The following SLC9A2 variants were observed in gnomAD, a reference collection of about 807,000 sequenced individuals.
SLC9A2 encodes solute carrier family 9 member A2, also known as sodium/hydrogen exchanger 2.
Under a neutral mutation model 71.7 loss-of-function variants are expected in SLC9A2, and 42 were observed. The ratio of observed to expected loss-of-function variants is 0.59; its 90% CI spans 0.46 to 0.76. The LOEUF (loss-of-function observed/expected upper bound fraction) is 0.76. Ranked by LOEUF, SLC9A2 falls within the 30% of genes least tolerant of loss-of-function variation. SLC9A2 has a pLI of 0.00. For missense variants in SLC9A2, 829 were observed against 1,017.4 expected, an observed-to-expected ratio of 0.81 and a Z score of 2.52; for synonymous variants, 396 against 392.5, an observed-to-expected ratio of 1.01 and a Z score of -0.10.
chr2:102,699,566 A>G (rs1677834808), intron 7 of SLC9A2, among the ~76,000 whole-genome samples: 3 of 152,352 alleles, frequency 2.0e-5, no homozygotes, highest in Non-Finnish European at 4.4e-5. Context: ...GACCTGGGTG[A>G]TAGCATTAGA....
chr2:102,638,523 T>G (rs1676513487), intron 1 of SLC9A2, among the ~76,000 whole-genome samples: 1 of 152,210 alleles, frequency 6.6e-6, no homozygotes, highest in Non-Finnish European at 1.5e-5. Flanking sequence ...GGAGGCACTG[T>G]GTTAAGTCAC....
At chr2:102,671,830 G>T (rs1214397019) in intron 3 of SLC9A2, among the ~76,000 whole-genome samples, 1 of 152,240 alleles carries the variant, frequency 6.6e-6, no homozygotes, top group Non-Finnish European at 1.5e-5. Flanking sequence ...CAGAGGCTGA[G>T]TGTGGTGGCT....
At chr2:102,649,088 A>G (rs1676783778) in intron 1 of SLC9A2, among the ~76,000 whole-genome samples, 1 of 152,252 alleles carries the variant, frequency 6.6e-6, no homozygotes, top group Non-Finnish European at 1.5e-5. Flanking sequence ...ACAAGGCTAC[A>G]GTGACCAAAA....
chr2:102,674,443 G>A (rs922330106), intron 3 of SLC9A2, among the ~76,000 whole-genome samples: 6 of 152,188 alleles, frequency 3.9e-5, no homozygotes, highest in Admixed American at 2.0e-4. Context: ...TCCTCTTGAT[G>A]CTGTAGCATT....
intron 1 of SLC9A2, among the ~76,000 whole-genome samples, chr2:102,630,436 C>A (rs983475249): frequency 5.9e-5 from 9 of 151,934 alleles, no homozygotes; most frequent in African/African-American, 1.2e-4. Context: ...TGTTGTTACA[C>A]TGACTTTTGA....
intron 1 of SLC9A2, among the ~76,000 whole-genome samples, chr2:102,638,873 CT>C (rs1205345174): frequency 2.0e-5 from 3 of 152,140 alleles, no homozygotes; most frequent in Non-Finnish European, 2.9e-5. Flanking sequence ...ATTCTGTGCT[CT>C]TTTTTCACTG....
At chr2:102,693,583 G>T (rs975559158) in intron 5 of SLC9A2, among the ~76,000 whole-genome samples, 5 of 152,152 alleles carry the variant, frequency 3.3e-5, no homozygotes, top group African/African-American at 1.2e-4. Flanking sequence ...CAGACTGGCC[G>T]CAAGCCCCCT....
intron 2 of SLC9A2, among the ~76,000 whole-genome samples, chr2:102,659,813 C>T (rs985839078): frequency 3.9e-5 from 6 of 152,170 alleles, no homozygotes; most frequent in African/African-American, 1.4e-4. Context: ...TCCATTCTGA[C>T]TTATGCTCGA....
At chr2:102,669,153 GCTTTTTACT>G (rs1290366656) in intron 3 of SLC9A2, among the ~76,000 whole-genome samples, 1 of 152,116 alleles carries the variant, frequency 6.6e-6, no homozygotes, top group Non-Finnish European at 1.5e-5. Flanking sequence ...GGTTTTATAG[GCTTTTTACT>G]GACAAGTAAA....
At chr2:102,698,959 C>T (rs7607987) in intron 7 of SLC9A2, among the ~76,000 whole-genome samples, 117,403 of 152,058 alleles carry the variant, frequency 0.77, 45,352 homozygotes, top group Admixed American at 0.79. Flanking sequence ...CACGTGCTTA[C>T]AGTGTGCCAG....
chr2:102,629,453 G>A (rs1676315734), intron 1 of SLC9A2, among the ~76,000 whole-genome samples: 1 of 151,860 alleles, frequency 6.6e-6, no homozygotes, highest in South Asian at 2.1e-4. Context: ...AATGAGTTAT[G>A]TTATTTTCAT....
At chr2:102,680,240 T>G (rs1473954921) in intron 3 of SLC9A2, among the ~76,000 whole-genome samples, 1 of 152,186 alleles carries the variant, frequency 6.6e-6, no homozygotes, top group Non-Finnish European at 1.5e-5. Flanking sequence ...ATACATGTCT[T>G]TTTTTATATA....
chr2:102,689,528 C>T lies in SLC9A2; in HGVS notation c.1426-4886C>T, dbSNP rs182393297. On this transcript the variant is annotated intron_variant, in intron 5 of 11. Transcript: ENST00000233969. ...GACCTTGTGAAGACCCTCAAATGTG[C>T]CTTCATTTGTCAAATAAATGGTCAT... 3.3e-5 allele frequency among the ~76,000 whole-genome samples: 5 copies of T among 152,164 alleles called. No individual in the cohort carries two copies. In the East Asian group the frequency reaches 9.7e-4, roughly 29 times the overall value.
chr2:102,645,687 G>T (rs551035145), intron 1 of SLC9A2, among the ~76,000 whole-genome samples: 1 of 151,706 alleles, frequency 6.6e-6, no homozygotes, highest in African/African-American at 2.4e-5. Context: ...TTAATCAAGC[G>T]GAAGAAAGGA....
At chr2:102,624,539 T>G (rs1279600491) in intron 1 of SLC9A2, among the ~76,000 whole-genome samples, 1 of 152,206 alleles carries the variant, frequency 6.6e-6, no homozygotes, top group African/African-American at 2.4e-5. Context: ...TGGACTGTAT[T>G]TCTTCTCAAG....
At chr2:102,697,147 C>T (rs1260555409) in intron 7 of SLC9A2, among the ~76,000 whole-genome samples, 3 of 152,146 alleles carry the variant, frequency 2.0e-5, no homozygotes, top group African/African-American at 7.2e-5. Context: ...CAGCTGGTTC[C>T]CCTTCCAAAG....
At position 102,710,663 on chromosome 2, in the gene SLC9A2, CT is replaced by C. The variant is rs796642414; in HGVS notation, c.*2181del. On this transcript the variant is annotated 3_prime_UTR_variant, in exon 12 of 12. Transcript: ENST00000233969. ...GCAATAAAAATAAATTTGACTTTAG[CT>C]TTTTTTCTATACTTTCCTCTTTTTG... is the stretch of plus-strand genomic sequence containing the variant. 3.9e-5 allele frequency: 6 copies of C among 152,240 alleles called. No individual in the cohort carries two copies. Among genetic ancestry groups the C allele is most frequent in the African/African-American group, 1.2e-4 (5 of 41,518 alleles). The allele number at this position is 152,240 out of a possible 1,614,324, so 9.4% of individuals were successfully genotyped here. A position where few individuals can be genotyped will look rare whatever the true frequency, so the allele number is the denominator to read the frequency against.
intron 1 of SLC9A2, among the ~76,000 whole-genome samples, chr2:102,644,323 G>C (rs550027181): frequency 2.0e-5 from 3 of 152,142 alleles, no homozygotes; most frequent in Non-Finnish European, 2.9e-5. Context: ...GCAACCCACA[G>C]ACCAGGAGAT....
chr2:102,688,540 C>T lies in SLC9A2; in HGVS notation c.1425+4204C>T, dbSNP rs190632390. On this transcript the variant is annotated intron_variant, in intron 5 of 11. Transcript: ENST00000233969. ...GTCAGGAGATCAAGACCATTCTGGC[C>T]AACATGGTGAAACCCTGTCTCTACT... Among the ~76,000 whole-genome samples, 385 of 152,232 alleles carry T rather than the reference C, an allele frequency of 2.5e-3. 2 individuals carry two copies. The highest frequency in any genetic ancestry group is 8.4e-3 in the African/African-American group (351 of 41,542).
Sources: allele counts gnomAD v4.1 joint callset (sites outside exome capture counted in the v4.1 genomes callset), GRCh38; gene constraint gnomAD v4.1.1; transcripts MANE v1.5; gene names NCBI Gene and HGNC (gene_info 2026-07-23, HGNC 2026-07-21).